The following ZNF638 variants were observed in gnomAD, a reference collection of about 807,000 sequenced individuals.
ZNF638 encodes the protein zinc finger protein 638.
In ZNF638, 46 loss-of-function variants were observed where a neutral mutation model predicts 195.6. That is an observed-to-expected ratio of 0.24 (90% CI 0.19 to 0.30). The LOEUF is 0.30. Ranked by LOEUF, ZNF638 falls within the 10% of genes least tolerant of loss-of-function variation. The pLI, the probability that ZNF638 is intolerant of heterozygous loss-of-function variation, is 1.00. For missense variants in ZNF638, 2,440 were observed against 2,325.3 expected (o/e 1.05, Z -1.01); for synonymous variants, 845 against 772.0 (o/e 1.09, Z -1.57).
intron 1 of ZNF638, among the ~76,000 whole-genome samples, chr2:71,345,729 C>G (rs1176442205): frequency 1.3e-5 from 2 of 151,798 alleles, no homozygotes; most frequent in Non-Finnish European, 1.5e-5. Context: ...GGTCTTGAAC[C>G]CCTGGGCTCA....
At chr2:71,400,803 A>G (rs921957690) in intron 15 of ZNF638, among the ~76,000 whole-genome samples, 5 of 152,190 alleles carry the variant, frequency 3.3e-5, no homozygotes, top group African/African-American at 9.7e-5. Flanking sequence ...GGTTTTGGGT[A>G]GACAGTAGTT....
intron 10 of ZNF638, among the ~76,000 whole-genome samples, chr2:71,390,351 A>G (rs1266263509): frequency 6.6e-6 from 1 of 152,148 alleles, no homozygotes; most frequent in African/African-American, 2.4e-5. Context: ...TTAGTGCTAA[A>G]AGGAGAAGAC....
At chr2:71,391,978 C>T (rs1332651493) in intron 10 of ZNF638, among the ~76,000 whole-genome samples, 1 of 152,132 alleles carries the variant, frequency 6.6e-6, no homozygotes, top group Non-Finnish European at 1.5e-5. Flanking sequence ...GCTGCGCTTC[C>T]TAGAATGTGT....
At chr2:71,428,513 A>G (rs368829518) in intron 24 of ZNF638, 34 bp from the exon 25 acceptor site, 2 of 1,558,320 alleles carry the variant, frequency 1.3e-6, no homozygotes, top group South Asian at 1.1e-5. Flanking sequence ...AAATACTGTT[A>G]CTAGAGCAAT....
rs562723925 is a variant in ZNF638, at chr2:71,391,977, C to T, written c.2378-4164C>T. ...GACAGATGGCCACAGGGCTGCGCTT[C>T]CTAGAATGTGTTTTTTGCTCACATA... is the stretch of plus-strand genomic sequence containing the variant. On this transcript the variant is annotated intron_variant, in intron 10 of 27. Coordinates refer to ENST00000264447, the MANE Select transcript of ZNF638 (RefSeq NM_014497.5). Among the ~76,000 whole-genome samples the T allele has an allele frequency of 2.6e-5, 4 of 152,264 alleles. No individual in the cohort carries two copies. In the South Asian group the frequency reaches 8.3e-4, roughly 32 times the overall value.
In ZNF638 at chr2:71,406,282, T is replaced by C. The variant is rs774264829; in HGVS notation, c.3135+20T>C. ...AACAAGGTAACAAGTTCCCTCATAA[T>C]TTAGCTATTCATTCTGTAAAGAATG... is the stretch of plus-strand genomic sequence containing the variant. On this transcript the variant is annotated intron_variant, in intron 19 of 27. Coordinates refer to ENST00000264447, the MANE Select transcript of ZNF638 (RefSeq NM_014497.5). 1.2e-6 allele frequency: 2 copies of C among 1,603,996 alleles called. No homozygotes were observed. Among genetic ancestry groups the C allele is most frequent in the Non-Finnish European group, 1.7e-6 (2 of 1,171,068 alleles).
intron 1 of ZNF638, among the ~76,000 whole-genome samples, chr2:71,342,979 T>C (rs2078787790): frequency 6.6e-6 from 1 of 152,202 alleles, no homozygotes; most frequent in Admixed American, 6.5e-5. Context: ...CAGTATTTTA[T>C]CCAAAGACTT....
At chr2:71,346,500 T>A (rs565041542) in intron 1 of ZNF638, among the ~76,000 whole-genome samples, 13 of 152,248 alleles carry the variant, frequency 8.5e-5, no homozygotes, top group Non-Finnish European at 1.3e-4. Flanking sequence ...TGTTTCATTC[T>A]AATTTGAAAA....
At chr2:71,433,128 ATTG>A in intron 26 of ZNF638, 34 bp from the exon 27 acceptor site, 3 of 1,362,428 alleles carry the variant, frequency 2.2e-6, no homozygotes, top group Non-Finnish European at 3.1e-6. Flanking sequence ...GAGATTAATT[ATTG>A]TTAATTTTCT....
rs772373230 is a variant in ZNF638, at chr2:71,364,050, C to A, written c.1515C>A (p.Phe505Leu). The change falls in exon 5 of 28, where the codon TTC becomes TTA. Residue 505 changes from phenylalanine to leucine, a missense_variant. Physicochemically the swap from Phe to Leu is conservative, Grantham distance 22. Around this residue, in one of 5 missense-constraint regions of ZNF638, gnomAD observed 1,883 missense variants for 1,739.1 expected, o/e 1.08. Coordinates refer to ENST00000264447, the MANE Select transcript of ZNF638 (RefSeq NM_014497.5). ...GAAGATCAAGCTCAAGTCACAGATT[C>A]CGTCGGTCTCGAAGCCCAATGCATT... Reference protein sequence around the residue: ...RSRRSSSSHRFRRSRSPMHYM... With the variant: ...RSRRSSSSHRLRRSRSPMHYM... 1 of 1,614,204 alleles carries A rather than the reference C, an allele frequency of 6.2e-7. No homozygotes were observed. The highest frequency in any genetic ancestry group is 8.5e-7 in the Non-Finnish European group (1 of 1,180,036).
Position 71,349,654 on chromosome 2 carries a change from C to G in ZNF638, c.700C>G (p.Pro234Ala). The change falls in exon 2 of 28, where the codon CCA becomes GCA. Residue 234 changes from proline (P) to alanine (A), a missense_variant. By Grantham distance (27) the Pro-to-Ala change is conservative. This residue lies in a region of ZNF638 where 305 missense variants were observed against 283.6 expected (regional missense o/e 1.08). Transcript: ENST00000264447. ...AGTACGTATTTATGATCCTGAAATTCCAACTGATGAGGTCGAGAATGAATT... is the reference window on the plus strand; with the variant it reads ...AGTACGTATTTATGATCCTGAAATTGCAACTGATGAGGTCGAGAATGAATT... ...LEVRIYDPEI[P>A]TDEVENEFQS... is the part of the protein sequence containing the mutation. The G allele has an allele frequency of 6.2e-7, 1 of 1,614,118 alleles. No individual in the cohort carries two copies. The highest frequency in any genetic ancestry group is 8.5e-7 in the Non-Finnish European group (1 of 1,180,008).
At chr2:71,370,276 A>G (rs1219707944) in intron 8 of ZNF638, among the ~76,000 whole-genome samples, 1 of 152,188 alleles carries the variant, frequency 6.6e-6, no homozygotes, top group African/African-American at 2.4e-5. Flanking sequence ...CTAGGTCACA[A>G]AAGAGAACAT....
At chr2:71,378,873 G>A (rs994187945) in intron 8 of ZNF638, among the ~76,000 whole-genome samples, 1 of 152,218 alleles carries the variant, frequency 6.6e-6, no homozygotes, top group Non-Finnish European at 1.5e-5. Flanking sequence ...TCTTAGAGGA[G>A]TAGAAAGGAT....
intron 8 of ZNF638, among the ~76,000 whole-genome samples, chr2:71,371,253 A>C (rs954594629): frequency 3.3e-5 from 5 of 152,144 alleles, no homozygotes; most frequent in African/African-American, 1.2e-4. Flanking sequence ...GTTGATGGAC[A>C]CTTAGTTTGC....
rs1342223372 is a variant in ZNF638, at chr2:71,427,091, A to G, written c.5222A>G (p.Asp1741Gly). Residue 1741 changes from aspartate to glycine, a missense_variant, in exon 24 of 28, where the codon GAT becomes GGT. Coordinates refer to ENST00000264447, the MANE Select transcript of ZNF638 (RefSeq NM_014497.5). The stretch of plus-strand genomic sequence containing the variant: ...TTAGTTACTGTAGATGAAATACAAG[A>G]TGACAGCAGTGATTTGCATTTAGTG... The part of the protein sequence containing the change: ...STLVTVDEIQ[D>G]DSSDLHLVTL... 6.2e-7 allele frequency: 1 copy of G among 1,614,196 alleles called. No individual in the cohort carries two copies. The highest frequency in any genetic ancestry group is 8.5e-7 in the Non-Finnish European group (1 of 1,180,008).
intron 15 of ZNF638, among the ~76,000 whole-genome samples, chr2:71,401,358 A>G (rs1376644358): frequency 6.6e-6 from 1 of 152,128 alleles, no homozygotes; most frequent in Non-Finnish European, 1.5e-5. Context: ...AAAAGTGCTT[A>G]ATTGCATTGA....
intron 1 of ZNF638, among the ~76,000 whole-genome samples, chr2:71,333,787 T>C (rs1401355148): frequency 6.6e-6 from 1 of 152,186 alleles, no homozygotes; most frequent in Non-Finnish European, 1.5e-5. Flanking sequence ...GGTGACATTA[T>C]TACTTCCTGC....
intron 12 of ZNF638, among the ~76,000 whole-genome samples, chr2:71,399,291 T>C (rs1392884521): frequency 6.6e-6 from 1 of 152,172 alleles, no homozygotes; most frequent in Non-Finnish European, 1.5e-5. Flanking sequence ...AGTATTATTT[T>C]TGCGTGTGTG....
At chr2:71,402,240 C>T (rs1377963034) in intron 16 of ZNF638, among the ~76,000 whole-genome samples, 153 bp downstream of exon 16, 2 of 151,964 alleles carry the variant, frequency 1.3e-5, no homozygotes, top group Non-Finnish European at 2.9e-5. Context: ...CACAGATATC[C>T]TGTATTTTAG....
Sources: allele counts gnomAD v4.1 joint callset (sites outside exome capture counted in the v4.1 genomes callset), GRCh38; gene constraint gnomAD v4.1.1; regional missense constraint gnomAD v4.1.1; transcripts MANE v1.5; gene names NCBI Gene and HGNC (gene_info 2026-07-23, HGNC 2026-07-21).